Variants in SENP7 observed in about 807,000 individuals in gnomAD.
SENP7 encodes SUMO specific peptidase 7, also known as sentrin-specific protease 7.
In SENP7, 64 loss-of-function variants were observed where a neutral mutation model predicts 141.2. The ratio of observed to expected loss-of-function variants is 0.45; its 90% CI spans 0.37 to 0.56. The LOEUF is 0.56. SENP7 is among the 20% of genes least tolerant of loss of function. SENP7 has a pLI of 0.00. For synonymous variants in SENP7, 382 were observed against 426.4 expected, an observed-to-expected ratio of 0.90 and a Z score of 1.28; for missense variants, 1,025 against 1,212.2, an observed-to-expected ratio of 0.85 and a Z score of 2.29.
chr3:101,363,617 T>C (rs1413858625), intron 10 of SENP7, among the ~76,000 whole-genome samples: 3 of 152,344 alleles, frequency 2.0e-5, no homozygotes, highest in African/African-American at 7.2e-5. Context: ...CACTTTTAAT[T>C]ATATATACAA....
At chr3:101,444,456 G>A (rs1198253399) in intron 4 of SENP7, among the ~76,000 whole-genome samples, 5 of 151,946 alleles carry the variant, frequency 3.3e-5, no homozygotes, top group Admixed American at 6.6e-5. Context: ...TGTTTATTGC[G>A]GCATTATTCA....
intron 13 of SENP7, among the ~76,000 whole-genome samples, chr3:101,344,304 GAAAC>G (rs1369429689): frequency 6.6e-6 from 1 of 152,004 alleles, no homozygotes; most frequent in Non-Finnish European, 1.5e-5. Flanking sequence ...CTATCAACTA[GAAAC>G]ATATTCCAAT....
chr3:101,369,036 A>G (rs1201865634), intron 7 of SENP7, among the ~76,000 whole-genome samples: 3 of 152,204 alleles, frequency 2.0e-5, no homozygotes, highest in Non-Finnish European at 4.4e-5. Flanking sequence ...CAATAAATCC[A>G]TCATTCTAGA....
intron 3 of SENP7, among the ~76,000 whole-genome samples, chr3:101,475,556 G>A (rs908757259): frequency 2.6e-5 from 4 of 152,118 alleles, no homozygotes; most frequent in African/African-American, 9.7e-5. Flanking sequence ...GGGGGACGAA[G>A]GGAAAAAGAA....
intron 12 of SENP7, among the ~76,000 whole-genome samples, chr3:101,349,616 A>G (rs570508358): frequency 6.6e-5 from 10 of 152,240 alleles, no homozygotes; most frequent in Admixed American, 3.9e-4. Flanking sequence ...GCATACCAAC[A>G]TGGCACATGT....
At chr3:101,359,542 T>A (rs967982324) in intron 11 of SENP7, among the ~76,000 whole-genome samples, 1 of 151,944 alleles carries the variant, frequency 6.6e-6, no homozygotes, top group African/African-American at 2.4e-5. Context: ...TAGGACCACT[T>A]TACAATGCTT....
chr3:101,325,322 C>T lies in SENP7; in HGVS notation c.*621G>A, dbSNP rs1313794215. The T allele has an allele frequency of 2.0e-5, 3 of 151,474 alleles. No individual in the cohort carries two copies. Among genetic ancestry groups the T allele is most frequent in the Admixed American group, 1.3e-4 (2 of 15,128 alleles). The allele number at this position is 151,474 out of a possible 1,614,324, so 9.4% of individuals were successfully genotyped here. On this transcript the variant is annotated 3_prime_UTR_variant, in exon 24 of 24. Transcript: ENST00000394095. ...AATGAAAAAAAAAAAGCAGAGTAAT[C>T]GTATTTAGCAATTGAGAATAATAAG... is the stretch of plus-strand genomic sequence containing the variant.
At chr3:101,480,495 T>C (rs2064422985) in intron 3 of SENP7, among the ~76,000 whole-genome samples, 1 of 152,130 alleles carries the variant, frequency 6.6e-6, no homozygotes, top group Non-Finnish European at 1.5e-5. Flanking sequence ...CAGACCCCTA[T>C]TCCTCACCAT....
chr3:101,388,843 C>T (rs932315602), intron 6 of SENP7, among the ~76,000 whole-genome samples: 4 of 150,324 alleles, frequency 2.7e-5, no homozygotes, highest in Non-Finnish European at 5.9e-5. Context: ...CTTAAGAATC[C>T]AATTAATGAA....
chr3:101,433,684 A>G (rs1197863349), intron 4 of SENP7, among the ~76,000 whole-genome samples: 1 of 152,198 alleles, frequency 6.6e-6, no homozygotes, highest in Non-Finnish European at 1.5e-5. Flanking sequence ...GGGTCACTAT[A>G]TAATGATAAA....
chr3:101,378,323 A>G (rs1295639939), intron 6 of SENP7, among the ~76,000 whole-genome samples: 1 of 152,138 alleles, frequency 6.6e-6, no homozygotes, highest in Admixed American at 6.6e-5. Flanking sequence ...ACAGCATATA[A>G]GCACTTATGG....
intron 7 of SENP7, 25 bp from the exon 8 acceptor site, chr3:101,368,036 T>C (rs1216008475): frequency 3.2e-6 from 5 of 1,562,348 alleles, no homozygotes; most frequent in Non-Finnish European, 4.3e-6. Context: ...GAAGCATAAA[T>C]ATGGACAAAA....
intron 7 of SENP7, among the ~76,000 whole-genome samples, chr3:101,371,228 G>A (rs2060171826): frequency 6.6e-6 from 1 of 152,136 alleles, no homozygotes. Context: ...GGTAGATAGA[G>A]GCTGAAGTGG....
intron 3 of SENP7, among the ~76,000 whole-genome samples, chr3:101,481,219 T>A (rs1483215606): frequency 1.3e-5 from 2 of 152,026 alleles, no homozygotes; most frequent in Non-Finnish European, 2.9e-5. Flanking sequence ...ACAACAGCAA[T>A]GATATAGAAC....
rs1168285268 is a variant in SENP7 at position 101,479,892 on chromosome 3, C to CAAAAAAAAAAA, written c.186+13970_186+13980dup. On this transcript the variant is annotated intron_variant, in intron 3 of 23. Coordinates refer to ENST00000394095, the MANE Select transcript of SENP7 (RefSeq NM_020654.5). ...ATAGCAATTCCACTTACAACAGCTA[C>CAAAAAAAAAAA]AAAAAAAAAAAAAAAAAAAAAAAAA... 6.8e-4 allele frequency among the ~76,000 whole-genome samples: 5 copies of CAAAAAAAAAAA among 7,346 alleles called. 1 individual carries two copies. Among genetic ancestry groups the CAAAAAAAAAAA allele is most frequent in the African/African-American group, 1.8e-3 (3 of 1,644 alleles). 4.8% of individuals were successfully genotyped at this position (7,346 alleles called of 152,430 possible).
intron 9 of SENP7, 80 bp from the exon 10 acceptor site, chr3:101,365,071 C>T (rs749270009): frequency 3.0e-5 from 28 of 922,958 alleles, no homozygotes; most frequent in Non-Finnish European, 4.0e-5. Flanking sequence ...CTCCCCATCT[C>T]GGCTCACTGC....
intron 20 of SENP7, 61 bp downstream of exon 20, chr3:101,330,273 C>A: frequency 8.0e-7 from 1 of 1,252,798 alleles, no homozygotes; most frequent in South Asian, 1.2e-5. Context: ...CTCTATTTTA[C>A]AGATAACATT....
chr3:101,398,934 A>T lies in SENP7; in HGVS notation c.604T>A (p.Ser202Thr). ...TCTAGGCTGCCATCAGATGATGAAG[A>T]AAGTTGCTCTGATTGCAAGTTGTCT... ...DTDNLQSEQL[S>T]SSSDGSLESY... The change falls in exon 6 of 24, where the codon TCT becomes ACT. Residue 202 changes from serine to threonine, a missense_variant. Ser to Thr is a moderately conservative substitution (Grantham distance 58). This residue lies in a region of SENP7 where 496 missense variants were observed against 503.5 expected (regional missense o/e 0.99). Transcript: ENST00000394095. 1 of 1,613,582 alleles carries T rather than the reference A, an allele frequency of 6.2e-7. No individual in the cohort carries two copies. The highest frequency in any genetic ancestry group is 8.5e-7 in the Non-Finnish European group (1 of 1,179,628).
At chr3:101,417,268 C>A (rs1013231592) in intron 5 of SENP7, among the ~76,000 whole-genome samples, 1 of 152,034 alleles carries the variant, frequency 6.6e-6, no homozygotes, top group East Asian at 1.9e-4. Context: ...AATACATATA[C>A]ACACACGTAT....
Sources: allele counts gnomAD v4.1 joint callset (sites outside exome capture counted in the v4.1 genomes callset), GRCh38; gene constraint gnomAD v4.1.1; regional missense constraint gnomAD v4.1.1; transcripts MANE v1.5; gene names NCBI Gene and HGNC (gene_info 2026-07-23, HGNC 2026-07-21).